The following PLCB1 variants were observed in gnomAD, a reference collection of about 807,000 sequenced individuals.
The protein encoded by PLCB1 is phospholipase C beta 1.
A neutral mutation model predicts 161.8 loss-of-function variants in PLCB1; 46 were observed. The observed-to-expected ratio is 0.28, with a 90% CI of 0.22 to 0.36. The LOEUF (loss-of-function observed/expected upper bound fraction) is 0.36, where lower values mean the gene tolerates loss of function less well. PLCB1 is among the 10% of genes least tolerant of loss of function. The pLI is 1.00. For missense variants in PLCB1, 1,016 were observed against 1,472.5 expected (o/e 0.69, Z 5.07); for synonymous variants, 517 against 503.7 (o/e 1.03, Z -0.35).
At chr20:8,589,150 C>T (rs1692212972) in intron 3 of PLCB1, among the ~76,000 whole-genome samples, 1 of 152,254 alleles carries the variant, frequency 6.6e-6, no homozygotes, top group Non-Finnish European at 1.5e-5. Flanking sequence ...TAGTTGTGCA[C>T]TTCTCTCATT....
chr20:8,403,598 A>C (rs1007357410), intron 3 of PLCB1, among the ~76,000 whole-genome samples: 1 of 151,998 alleles, frequency 6.6e-6, no homozygotes, highest in Non-Finnish European at 1.5e-5. Flanking sequence ...ATGTTCAGAA[A>C]CAAGATAGCA....
chr20:8,612,200 G>T (rs1184327566), intron 3 of PLCB1, among the ~76,000 whole-genome samples: 4 of 151,998 alleles, frequency 2.6e-5, no homozygotes, highest in Admixed American at 1.3e-4. Context: ...TGGCAATAAA[G>T]GCATAAAGTT....
At chr20:8,463,615 C>A (rs1345505096) in intron 3 of PLCB1, among the ~76,000 whole-genome samples, 1 of 152,118 alleles carries the variant, frequency 6.6e-6, no homozygotes, top group African/African-American at 2.4e-5. Flanking sequence ...ATTTGTCTCA[C>A]TTTTGCCAGG....
chr20:8,799,627 C>G (rs762895807), intron 31 of PLCB1, among the ~76,000 whole-genome samples: 1 of 151,974 alleles, frequency 6.6e-6, no homozygotes, highest in Non-Finnish European at 1.5e-5. Flanking sequence ...TTTCTAGAAA[C>G]CAATAGCTGA....
intron 31 of PLCB1, among the ~76,000 whole-genome samples, chr20:8,842,284 T>A (rs6086632): frequency 1.3e-5 from 2 of 152,038 alleles, no homozygotes; most frequent in African/African-American, 4.8e-5. Context: ...GTGGCTATTG[T>A]CTACCTTTTA....
intron 3 of PLCB1, among the ~76,000 whole-genome samples, chr20:8,622,730 A>G (rs1036867664): frequency 4.1e-5 from 6 of 147,490 alleles, no homozygotes; most frequent in East Asian, 2.0e-4. Flanking sequence ...GCTTTCTGCA[A>G]TCATCTCCAA....
At chr20:8,350,966 A>T (rs1383344215) in intron 2 of PLCB1, among the ~76,000 whole-genome samples, 1 of 152,186 alleles carries the variant, frequency 6.6e-6, no homozygotes, top group African/African-American at 2.4e-5. Flanking sequence ...CCCAGTCACA[A>T]TCCCAGCAAA....
At chr20:8,206,964 T>C (rs1254226043) in intron 2 of PLCB1, among the ~76,000 whole-genome samples, 1 of 145,442 alleles carries the variant, frequency 6.9e-6, no homozygotes, top group African/African-American at 2.6e-5. Flanking sequence ...AGATGTAAAA[T>C]TAGGGAAAAA....
At chr20:8,829,855 G>A (rs1016295389) in intron 31 of PLCB1, among the ~76,000 whole-genome samples, 6 of 152,304 alleles carry the variant, frequency 3.9e-5, no homozygotes, top group Non-Finnish European at 7.4e-5. Flanking sequence ...TCTGAAGCAC[G>A]CAGAGGCAGC....
chr20:8,775,003 A>G (rs1982873609), intron 27 of PLCB1, among the ~76,000 whole-genome samples: 1 of 150,846 alleles, frequency 6.6e-6, no homozygotes, highest in African/African-American at 2.4e-5. Flanking sequence ...AATCTTTGAA[A>G]TCTCATAAGC....
At chr20:8,466,921 T>C (rs1355360914) in intron 3 of PLCB1, among the ~76,000 whole-genome samples, 1 of 152,090 alleles carries the variant, frequency 6.6e-6, no homozygotes, top group African/African-American at 2.4e-5. Flanking sequence ...CTAGGTCTGC[T>C]GTTAGGAATA....
At chr20:8,370,416 A>T (rs1986869135) in intron 2 of PLCB1, among the ~76,000 whole-genome samples, 1 of 152,216 alleles carries the variant, frequency 6.6e-6, no homozygotes, top group Admixed American at 6.5e-5. Context: ...TCCTTCTACA[A>T]TACCACTGTA....
At chr20:8,575,503 A>G (rs1986649152) in intron 3 of PLCB1, among the ~76,000 whole-genome samples, 1 of 152,206 alleles carries the variant, frequency 6.6e-6, no homozygotes, top group Admixed American at 6.5e-5. Context: ...AGTGGACAGA[A>G]CGTTCCTTTT....
chr20:8,593,803 C>T (rs566166499), intron 3 of PLCB1, among the ~76,000 whole-genome samples: 3 of 151,990 alleles, frequency 2.0e-5, no homozygotes, highest in Admixed American at 6.5e-5. Flanking sequence ...GACATTTTTT[C>T]GGGGAAGATT....
chr20:8,685,365 A>G (rs1178271384), intron 10 of PLCB1, among the ~76,000 whole-genome samples: 3 of 152,064 alleles, frequency 2.0e-5, no homozygotes, highest in African/African-American at 4.8e-5. Flanking sequence ...AACTGAACTC[A>G]TTCTTCAGTG....
At chr20:8,863,016 G>A (rs1371242762) in intron 31 of PLCB1, among the ~76,000 whole-genome samples, 1 of 152,194 alleles carries the variant, frequency 6.6e-6, no homozygotes, top group African/African-American at 2.4e-5. Context: ...AAACCATGTA[G>A]ACTATGCACC....
At chr20:8,350,482 A>G (rs1168295168) in intron 2 of PLCB1, among the ~76,000 whole-genome samples, 1 of 152,160 alleles carries the variant, frequency 6.6e-6, no homozygotes, top group Non-Finnish European at 1.5e-5. Flanking sequence ...TTCTTCATCT[A>G]GCCTATCATT....
chr20:8,840,119 G>A (rs891486229), intron 31 of PLCB1, among the ~76,000 whole-genome samples: 1 of 151,344 alleles, frequency 6.6e-6, no homozygotes, highest in Non-Finnish European at 1.5e-5. Flanking sequence ...TTTCCTCAAT[G>A]TTCTGTTCAT....
intron 3 of PLCB1, among the ~76,000 whole-genome samples, chr20:8,454,613 G>A (rs920291581): frequency 9.2e-5 from 14 of 152,132 alleles, no homozygotes; most frequent in Non-Finnish European, 1.5e-4. Context: ...CTGAGCATCC[G>A]AGTGAGTGAT....
Sources: gnomAD v4.1 joint callset for allele counts (sites outside exome capture counted in the v4.1 genomes callset) on GRCh38, gnomAD v4.1.1 for gene constraint, MANE v1.5 for transcripts, NCBI Gene and HGNC (gene_info 2026-07-23, HGNC 2026-07-21) for gene names.